Variants in HMCES observed in about 807,000 individuals in gnomAD.
The protein encoded by HMCES is abasic site processing protein HMCES.
HMCES carries 27 observed loss-of-function variants against 35.1 expected under a neutral mutation model. The observed-to-expected ratio is 0.77, with a 90% CI of 0.57 to 1.06. HMCES has a LOEUF of 1.06. HMCES is among the 50% of genes least tolerant of loss of function. The pLI, the probability that HMCES is intolerant of heterozygous loss-of-function variation, is 0.00. For missense variants in HMCES, 391 were observed against 430.4 expected, an observed-to-expected ratio of 0.91 and a Z score of 0.81; for synonymous variants, 130 against 154.7, an observed-to-expected ratio of 0.84 and a Z score of 1.18.
At position 129,282,267 on chromosome 3, in the gene HMCES, G is replaced by A. The variant is rs528917036; in HGVS notation, c.183+2352G>A. Reference sequence around the variant, plus strand: ...TTCAGGCCAGGATTTCAGGACACCAGCCTGAGCAAATGAGACCCTGTTTTT... The same window carrying A: ...TTCAGGCCAGGATTTCAGGACACCAACCTGAGCAAATGAGACCCTGTTTTT... On this transcript the variant is annotated intron_variant, in intron 2 of 6. Coordinates refer to ENST00000383463, the MANE Select transcript of HMCES (RefSeq NM_020187.3). Among the ~76,000 whole-genome samples the A allele has an allele frequency of 3.2e-3, 454 of 143,796 alleles. 2 individuals are homozygous for A. Among genetic ancestry groups the A allele is most frequent in the Non-Finnish European group, 5.6e-3 (377 of 67,444 alleles). 94.3% of individuals were successfully genotyped at this position (143,796 alleles called of 152,430 possible). A position where few individuals can be genotyped will look rare whatever the true frequency, so the allele number is the denominator to read the frequency against.
intron 4 of HMCES, among the ~76,000 whole-genome samples, chr3:129,294,375 A>G (rs552385351): frequency 9.2e-5 from 14 of 152,272 alleles, no homozygotes; most frequent in Non-Finnish European, 1.3e-4. Flanking sequence ...GTGAGCCAAG[A>G]TTGCGCCACT....
At chr3:129,288,822 G>A (rs1305710287) in intron 2 of HMCES, 32 bp from the exon 3 acceptor site, 1 of 1,426,570 alleles carries the variant, frequency 7.0e-7, no homozygotes, top group Non-Finnish European at 9.4e-7. Flanking sequence ...ATTTCATTAT[G>A]ATCTCCTCAC....
At chr3:129,290,190 C>CAG (rs2070991965) in intron 3 of HMCES, among the ~76,000 whole-genome samples, 1 of 61,002 alleles carries the variant, frequency 1.6e-5, no homozygotes, top group Non-Finnish European at 3.7e-5. Flanking sequence ...GACTCCGTCT[C>CAG]AAAAAAAAAA....
chr3:129,302,857 G>GA (rs747413556), intron 6 of HMCES, among the ~76,000 whole-genome samples: 64 of 139,124 alleles, frequency 4.6e-4, no homozygotes, highest in Admixed American at 7.2e-4. Flanking sequence ...CCACAAAAAG[G>GA]AAAAAAAAAA....
chr3:129,296,802 T>C (rs2071098773), intron 4 of HMCES, among the ~76,000 whole-genome samples: 1 of 152,210 alleles, frequency 6.6e-6, no homozygotes, highest in Non-Finnish European at 1.5e-5. Flanking sequence ...TCTCCCTCTG[T>C]TGCCCAGGCT....
chr3:129,281,616 G>A (rs991979309), intron 2 of HMCES, among the ~76,000 whole-genome samples: 1 of 152,004 alleles, frequency 6.6e-6, no homozygotes, highest in Non-Finnish European at 1.5e-5. Context: ...GCTTGAACCC[G>A]GGAGGCGAAG....
Position 129,279,717 on chromosome 3 carries a change from G to A in HMCES, c.-16G>A, listed in dbSNP as rs552008942. ...ACGTTTTGTAATTTAAAGGTTGCGA[G>A]GGGCGGTGTTGAAGAATGTGTGGGC... On this transcript the variant is annotated 5_prime_UTR_variant, in exon 2 of 7. Transcript: ENST00000383463. This position sits in a 1 kb window ranked among gnomAD's most constrained non-coding sequence, Gnocchi z 4.2. 20 of 1,612,060 alleles carry A rather than the reference G, an allele frequency of 1.2e-5. No homozygotes were observed. In the African/African-American group the frequency reaches 2.7e-4, roughly 22 times the overall value.
rs886769705 is a variant in HMCES at position 129,303,308 on chromosome 3, C to T, written c.828+1166C>T. 1.1e-4 allele frequency among the ~76,000 whole-genome samples: 16 copies of T among 152,150 alleles called. No homozygotes were observed. In the East Asian group the frequency reaches 1.4e-3, roughly 13 times the overall value. On this transcript the variant is annotated intron_variant, in intron 6 of 6. Coordinates refer to ENST00000383463, the MANE Select transcript of HMCES (RefSeq NM_020187.3). ...TCCAAGAATAGACATTTTAGAATGCCGTGTTAAGGATGATTGTAAGAACAG... is the reference window on the plus strand; with the variant it reads ...TCCAAGAATAGACATTTTAGAATGCTGTGTTAAGGATGATTGTAAGAACAG...
intron 4 of HMCES, among the ~76,000 whole-genome samples, chr3:129,292,497 CTT>C (rs763165708): frequency 6.7e-5 from 9 of 133,802 alleles, no homozygotes; most frequent in South Asian, 2.6e-4. Flanking sequence ...TTTTTTTCTT[CTT>C]TTTTTTTTTT....
chr3:129,299,484 C>T (rs1484440150), intron 5 of HMCES, among the ~76,000 whole-genome samples: 1 of 152,130 alleles, frequency 6.6e-6, no homozygotes, highest in Non-Finnish European at 1.5e-5. Flanking sequence ...TTCATCTGTA[C>T]TTGTGGCTTC....
intron 4 of HMCES, among the ~76,000 whole-genome samples, chr3:129,293,901 A>G (rs10934878): frequency 0.25 from 38,498 of 151,774 alleles, 8,177 homozygotes; most frequent in African/African-American, 0.58. Flanking sequence ...AGATAGTTGG[A>G]TTTTCCTTTT....
chr3:129,304,851 A>T lies in HMCES; in HGVS notation c.*26A>T. Reference sequence around the variant, plus strand: ...CACAGGACTTTCAGAGACCAAGGCCAGGGTCTGCTGCACTGCTGTTCTGAT... The same window carrying T: ...CACAGGACTTTCAGAGACCAAGGCCTGGGTCTGCTGCACTGCTGTTCTGAT... On this transcript the variant is annotated 3_prime_UTR_variant, in exon 7 of 7. Transcript: ENST00000383463. The T allele has an allele frequency of 1.3e-6, 2 of 1,547,300 alleles. No individual in the cohort carries two copies. The highest frequency in any genetic ancestry group is 1.1e-5 in the South Asian group (1 of 89,538).
intron 6 of HMCES, among the ~76,000 whole-genome samples, chr3:129,302,580 G>A (rs2071182916): frequency 6.6e-6 from 1 of 152,098 alleles, no homozygotes; most frequent in Non-Finnish European, 1.5e-5. Flanking sequence ...GGGTGTGGTG[G>A]CCCGTCCCAA....
intron 2 of HMCES, 125 bp from the exon 3 acceptor site, chr3:129,288,729 C>A: frequency 2.5e-6 from 2 of 804,304 alleles, no homozygotes; most frequent in South Asian, 4.2e-5. Flanking sequence ...CAAGTAGATT[C>A]CCTGTTTAAA....
intron 2 of HMCES, 151 bp downstream of exon 2, chr3:129,280,066 T>A: frequency 3.3e-6 from 2 of 610,678 alleles, no homozygotes; most frequent in Non-Finnish European, 5.3e-6. Context: ...TCTCTTGGCC[T>A]CATGAAAGAA....
rs564349048 is a variant in HMCES at position 129,294,931 on chromosome 3, G to T, written c.454-3423G>T. On this transcript the variant is annotated intron_variant, in intron 4 of 6. Transcript: ENST00000383463. ...CCAGCACTTCGGGAGGCCGAGGTGG[G>T]CGGATCACCAGGTCAGGAAATCGAG... Among the ~76,000 whole-genome samples, 109 of 152,044 alleles carry T rather than the reference G, an allele frequency of 7.2e-4. 1 individual carries two copies. The highest frequency in any genetic ancestry group is 3.4e-3 in the Middle Eastern group (1 of 294).
chr3:129,290,544 A>G, intron 3 of HMCES, 135 bp from the exon 4 acceptor site: 3 of 805,086 alleles, frequency 3.7e-6, no homozygotes, highest in Non-Finnish European at 5.8e-6. Context: ...TCGGCCGCCC[A>G]AAGTGTTGGG....
At chr3:129,302,409 CT>C (rs2071180864) in intron 6 of HMCES, among the ~76,000 whole-genome samples, 1 of 152,182 alleles carries the variant, frequency 6.6e-6, no homozygotes, top group African/African-American at 2.4e-5. Context: ...TAGGCTTGGA[CT>C]TTTGTATAAT....
At chr3:129,297,296 G>A (rs928114405) in intron 4 of HMCES, among the ~76,000 whole-genome samples, 8 of 152,026 alleles carry the variant, frequency 5.3e-5, no homozygotes, top group Non-Finnish European at 1.2e-4. Flanking sequence ...TTAAGCAGAT[G>A]TGGCTCTCTG....
Sources: gnomAD v4.1 joint callset for allele counts (sites outside exome capture counted in the v4.1 genomes callset) on GRCh38, gnomAD v4.1.1 for gene constraint, Gnocchi (gnomAD v3.1) non-coding constraint, MANE v1.5 for transcripts, NCBI Gene and HGNC (gene_info 2026-07-23, HGNC 2026-07-21) for gene names.